Variants in RRM2 observed in about 807,000 individuals in gnomAD.
RRM2 encodes ribonucleotide reductase regulatory subunit M2.
A neutral mutation model predicts 45.9 loss-of-function variants in RRM2; 6 were observed. The observed-to-expected ratio is 0.13, with a 90% confidence interval of 0.07 to 0.26. RRM2 has a LOEUF of 0.26. RRM2 is among the 10% of genes least tolerant of loss of function. The pLI is 1.00. For synonymous variants in RRM2, 177 were observed against 173.0 expected (o/e 1.02, Z -0.18); for missense variants, 343 against 489.5 (o/e 0.70, Z 2.82).
intron 5 of RRM2, among the ~76,000 whole-genome samples, chr2:10,126,169 A>T (rs1662774680): frequency 8.5e-5 from 4 of 46,824 alleles, no homozygotes; most frequent in Non-Finnish European, 1.9e-4. Flanking sequence ...CTTTAAAAAA[A>T]AAAAAAAAAA....
Position 10,185,445 on chromosome 2 carries a change from A to G in RRM2, n.483-24866A>G, listed in dbSNP as rs929056323. On this transcript the variant is annotated intron_variant and non_coding_transcript_variant, in intron 3 of 3. Transcript: ENST00000381786. The surrounding 1 kb of genome is among the most constrained non-coding windows in gnomAD (Gnocchi z 4.3). ...TTTTATAATGGGAAACTTTGAACAT[A>G]GGCAAAAATAGAATAATAGAAAAGC... Among the ~76,000 whole-genome samples the G allele has an allele frequency of 2.6e-4, 40 of 152,242 alleles. No homozygotes were observed. Among genetic ancestry groups the G allele is most frequent in the African/African-American group, 8.4e-4 (35 of 41,460 alleles).
chr2:10,179,931 C>T (rs556400635), intron 3 of RRM2, among the ~76,000 whole-genome samples: 2 of 152,326 alleles, frequency 1.3e-5, no homozygotes, highest in African/African-American at 4.8e-5. Context: ...GGGATTAGAG[C>T]TTCCCTCTGT....
At chr2:10,141,176 A>G (rs754479623), upstream of RRM2, among the ~76,000 whole-genome samples, 2 of 152,162 alleles carry the variant, frequency 1.3e-5, no homozygotes, top group Non-Finnish European at 2.9e-5. Context: ...GAGGTCGGCC[A>G]ATGGGGGCCA....
intron 3 of RRM2, among the ~76,000 whole-genome samples, chr2:10,181,316 GC>G (rs60188336): frequency 0.25 from 37,353 of 152,032 alleles, 5,121 homozygotes; most frequent in East Asian, 0.51. Context: ...CAGGATGGTA[GC>G]AATTGTCATC....
intron 3 of RRM2, among the ~76,000 whole-genome samples, chr2:10,174,867 G>T (rs1663880680): frequency 9.5e-6 from 1 of 104,902 alleles, no homozygotes; most frequent in Non-Finnish European, 2.2e-5. Flanking sequence ...ACTCAAAAAT[G>T]GTTAAAAAAA....
Position 10,127,443 on chromosome 2 carries a change from C to T in RRM2, c.798+223C>T, listed in dbSNP as rs1245463102. 4.1e-6 allele frequency: 2 copies of T among 483,722 alleles called. No homozygotes were observed. The highest frequency in any genetic ancestry group is 7.3e-6 in the Non-Finnish European group (2 of 273,694). 30.0% of individuals were successfully genotyped at this position (483,722 alleles called of 1,614,324 possible). On this transcript the variant is annotated intron_variant, in intron 7 of 9. Transcript: ENST00000304567. The surrounding 1 kb of genome is among the most constrained non-coding windows in gnomAD (Gnocchi z 4.1). Reference sequence around the variant, plus strand: ...TGTAATACATTTGTACATATGTATTCCCCTATAGGCTTTGAATGCATAAAA... The same window carrying T: ...TGTAATACATTTGTACATATGTATTTCCCTATAGGCTTTGAATGCATAAAA...
intron 3 of RRM2, chr2:10,210,231 A>G (rs1443796615): frequency 3.5e-5 from 33 of 949,896 alleles, no homozygotes; most frequent in Non-Finnish European, 4.7e-5. Flanking sequence ...CCTAGTGCCC[A>G]GTATGTGTTT....
upstream of RRM2, chr2:10,122,588 G>C (rs1423400032): frequency 2.1e-6 from 3 of 1,451,860 alleles, no homozygotes; most frequent in African/African-American, 1.5e-5. Flanking sequence ...GCGGCCCCGC[G>C]GCCAGCCTGG....
rs758099243 is a variant in RRM2 at position 10,129,254 on chromosome 2, A to T, written c.1038A>T (p.Pro346=). The part of the protein sequence containing the change: ...GFSKVFRVEN[P]FDFMENISLE... ...TTCAGGTTTTCAGAGTAGAGAACCC[A>T]TTTGACTTTATGGAGAATATTTCAC... Residue 346 remains proline (P), a synonymous_variant, in exon 10 of 10, where the codon CCA becomes CCT. Coordinates refer to ENST00000304567, the MANE Select transcript of RRM2 (RefSeq NM_001034.4). This position sits in a 1 kb window ranked among gnomAD's most constrained non-coding sequence, Gnocchi z 4.8. The T allele has an allele frequency of 1.9e-6, 3 of 1,613,902 alleles. No homozygotes were observed. The highest frequency in any genetic ancestry group is 1.3e-5 in the African/African-American group (1 of 74,912).
chr2:10,193,434 C>T (rs1476898025), intron 3 of RRM2, among the ~76,000 whole-genome samples: 1 of 152,204 alleles, frequency 6.6e-6, no homozygotes, highest in Non-Finnish European at 1.5e-5. Context: ...TTCCACGGGG[C>T]TGGGTGCCGG....
chr2:10,201,716 A>G (rs1664573515), intron 3 of RRM2, among the ~76,000 whole-genome samples: 2 of 152,230 alleles, frequency 1.3e-5, no homozygotes, highest in Non-Finnish European at 1.5e-5. Flanking sequence ...GCACACAACA[A>G]TTTTAACATA....
At chr2:10,150,549 C>T (rs1453977929) in intron 3 of RRM2, among the ~76,000 whole-genome samples, 3 of 148,356 alleles carry the variant, frequency 2.0e-5, no homozygotes, top group Non-Finnish European at 4.4e-5. Context: ...AATTGACATA[C>T]AATAAACTGC....
At chr2:10,150,419 C>A (rs1284888489) in intron 3 of RRM2, among the ~76,000 whole-genome samples, 1 of 149,596 alleles carries the variant, frequency 6.7e-6, no homozygotes, top group Non-Finnish European at 1.5e-5. Context: ...TGCACTCCAA[C>A]CTGGCGACAG....
At chr2:10,126,459 T>C in intron 5 of RRM2, 1 of 164,566 alleles carries the variant, frequency 6.1e-6, no homozygotes, top group Non-Finnish European at 1.3e-5. Context: ...GGCCAAATAA[T>C]GCACCTAATC....
chr2:10,134,840 G>C (rs1662964626), downstream of RRM2, among the ~76,000 whole-genome samples: 1 of 152,160 alleles, frequency 6.6e-6, no homozygotes, highest in African/African-American at 2.4e-5. Context: ...GGAGAGAGTG[G>C]ACAGGCAGTG....
At chr2:10,192,368 G>T (rs72788352) in intron 3 of RRM2, among the ~76,000 whole-genome samples, 49,409 of 151,862 alleles carry the variant, frequency 0.33, 10,054 homozygotes, top group Non-Finnish European at 0.47. Flanking sequence ...GATGGTAGAG[G>T]AGGAAAGGAC....
At position 10,205,676 on chromosome 2, in the gene RRM2, T is replaced by C. The variant is rs1267245370; in HGVS notation, n.483-4635T>C. ...AACACACAGTTTGAGAGGGTCCTTT[T>C]TATTTTTATTTTATTTTATTTATTT... On this transcript the variant is annotated intron_variant and non_coding_transcript_variant, in intron 3 of 3. Transcript: ENST00000381786. The surrounding 1 kb of genome is among the most constrained non-coding windows in gnomAD (Gnocchi z 4.8). Among the ~76,000 whole-genome samples the C allele has an allele frequency of 6.6e-6, 1 of 152,060 alleles. No homozygotes were observed. Among genetic ancestry groups the C allele is most frequent in the East Asian group, 1.9e-4 (1 of 5,178 alleles).
intron 3 of RRM2, among the ~76,000 whole-genome samples, chr2:10,159,647 C>T (rs1257536498): frequency 6.6e-6 from 1 of 152,346 alleles, no homozygotes; most frequent in Non-Finnish European, 1.5e-5. Flanking sequence ...TGGGTTGAAA[C>T]GGTTAAAGAG....
rs1458876897 is a variant in RRM2 at position 10,127,167 on chromosome 2, C to T, written c.745C>T (p.Arg249Ter). ...SFASIFWLKK[R>*]GLMPGLTFSN... is the part of the protein sequence containing the mutation. ...TGCGTCGATATTCTGGCTCAAGAAA[C>T]GAGGACTGATGCCTGGCCTCACATT... The change falls in exon 7 of 10, where the codon CGA becomes TGA. Residue 249 changes from arginine to a stop codon, truncating the protein, a stop_gained. Coordinates refer to ENST00000304567, the MANE Select transcript of RRM2 (RefSeq NM_001034.4). LOFTEE classifies it high-confidence loss of function. This position sits in a 1 kb window ranked among gnomAD's most constrained non-coding sequence, Gnocchi z 4.1. 1 of 1,614,128 alleles carries T rather than the reference C, an allele frequency of 6.2e-7. No homozygotes were observed. The highest frequency in any genetic ancestry group is 8.5e-7 in the Non-Finnish European group (1 of 1,180,032).
Sources: allele counts gnomAD v4.1 joint callset (sites outside exome capture counted in the v4.1 genomes callset), GRCh38; gene constraint gnomAD v4.1.1; non-coding constraint Gnocchi (gnomAD v3.1); transcripts MANE v1.5; gene names NCBI Gene and HGNC (gene_info 2026-07-23, HGNC 2026-07-21).